Variants in VNN2 observed in about 807,000 individuals in gnomAD.
VNN2 encodes vanin 2.
In VNN2, 43 loss-of-function variants were observed where a neutral mutation model predicts 43.0. That is an observed-to-expected ratio of 1.00 (90% CI 0.78 to 1.29). VNN2 has a LOEUF of 1.29. VNN2 is among the 50% of genes most tolerant of loss of function. The pLI is 0.00. For synonymous variants in VNN2, 230 were observed against 224.3 expected (o/e 1.03, Z -0.23); for missense variants, 652 against 619.7 (o/e 1.05, Z -0.55).
At chr6:132,756,438 C>T (rs1780483294) in intron 2 of VNN2, among the ~76,000 whole-genome samples, 1 of 152,206 alleles carries the variant, frequency 6.6e-6, no homozygotes, top group Admixed American at 6.5e-5. Flanking sequence ...GTCCCTCTTG[C>T]TGTTGCCAGT....
chr6:132,749,171 A>T (rs1420036885), intron 6 of VNN2, among the ~76,000 whole-genome samples: 2 of 152,286 alleles, frequency 1.3e-5, no homozygotes, highest in East Asian at 3.9e-4. Flanking sequence ...GTGTGATTTT[A>T]TAGCTCTTCC....
intron 3 of VNN2, among the ~76,000 whole-genome samples, chr6:132,755,194 AG>A (rs1408983893): frequency 1.3e-5 from 2 of 152,012 alleles, no homozygotes; most frequent in Non-Finnish European, 2.9e-5. Flanking sequence ...TTATTGAAAC[AG>A]TGCCCAGATT....
intron 6 of VNN2, among the ~76,000 whole-genome samples, chr6:132,746,956 C>T (rs1418096747): frequency 1.3e-5 from 2 of 152,188 alleles, no homozygotes; most frequent in Non-Finnish European, 2.9e-5. Flanking sequence ...ATGATGCTCC[C>T]TCCAAGGGAC....
intron 3 of VNN2, among the ~76,000 whole-genome samples, chr6:132,754,136 G>C (rs1006963171): frequency 6.6e-6 from 1 of 152,236 alleles, no homozygotes; most frequent in East Asian, 1.9e-4. Context: ...TCAGTGCACT[G>C]TGCCATCCTG....
At chr6:132,762,564 G>A (rs79862317), upstream of VNN2, among the ~76,000 whole-genome samples, 619 of 152,290 alleles carry the variant, frequency 4.1e-3, 6 homozygotes, top group African/African-American at 0.014. Context: ...GTCAGGCCCT[G>A]TAAAAGGCAA....
chr6:132,751,794 T>C (rs1218323426), intron 4 of VNN2, among the ~76,000 whole-genome samples: 1 of 152,224 alleles, frequency 6.6e-6, no homozygotes, highest in Non-Finnish European at 1.5e-5. Flanking sequence ...CAAAAATCTT[T>C]GTAGTCAGGA....
At chr6:132,753,834 T>C (rs1346949846) in intron 3 of VNN2, 1 of 159,422 alleles carries the variant, frequency 6.3e-6, no homozygotes, top group Admixed American at 6.4e-5. Flanking sequence ...GCACCTGTAA[T>C]CCCAGCTACT....
chr6:132,758,042 T>A (rs9389031), upstream of VNN2: 15,867 of 160,426 alleles, frequency 0.099, 1,359 homozygotes, highest in East Asian at 0.15. Context: ...TCTTCTTCTT[T>A]TTTTTTTTTT....
At chr6:132,759,564 A>AT (rs962788878), upstream of VNN2, among the ~76,000 whole-genome samples, 2 of 150,118 alleles carry the variant, frequency 1.3e-5, no homozygotes, top group Non-Finnish European at 3.0e-5. Flanking sequence ...GATTTGTTTT[A>AT]TTTTTATCCA....
intron 3 of VNN2, 29 bp downstream of exon 3, chr6:132,755,814 C>G: frequency 6.3e-7 from 1 of 1,581,592 alleles, no homozygotes; most frequent in African/African-American, 1.3e-5. Flanking sequence ...CAACACGCTC[C>G]ATTTTACACG....
At chr6:132,754,820 T>C (rs901499450) in intron 3 of VNN2, among the ~76,000 whole-genome samples, 1 of 152,250 alleles carries the variant, frequency 6.6e-6, no homozygotes, top group Non-Finnish European at 1.5e-5. Context: ...GCAAATTAAC[T>C]TATGCAAAGC....
intron 5 of VNN2, among the ~76,000 whole-genome samples, chr6:132,750,515 T>TATATATATATATATATATATATATATATA (rs1359427541): frequency 8.2e-5 from 8 of 97,250 alleles, no homozygotes; most frequent in African/African-American, 2.1e-4. Context: ...ATATATATAT[T>TATATATATATATATATATATATATATATA]TTTCCAGGTG....
chr6:132,751,584 C>T, intron 4 of VNN2, 66 bp from the exon 5 acceptor site: 2 of 1,534,768 alleles, frequency 1.3e-6, no homozygotes, highest in Non-Finnish European at 1.7e-6. Flanking sequence ...CTGCCAATTT[C>T]CCCATCAGAA....
chr6:132,754,163 C>G (rs965742131), intron 3 of VNN2, among the ~76,000 whole-genome samples: 6 of 152,020 alleles, frequency 3.9e-5, no homozygotes, highest in African/African-American at 1.2e-4. Context: ...TACAGAATGG[C>G]AGAATAGCTT....
At chr6:132,759,332 G>T (rs1007109580), upstream of VNN2, among the ~76,000 whole-genome samples, 10 of 151,162 alleles carry the variant, frequency 6.6e-5, no homozygotes, top group Non-Finnish European at 1.5e-4. Context: ...CCAGCTACTC[G>T]GGAGGCTGAG....
Position 132,755,984 on chromosome 6 carries a change from G to T in VNN2, c.396C>A (p.Asn132Lys). The T allele has an allele frequency of 6.2e-7, 1 of 1,614,132 alleles. No individual in the cohort carries two copies. The highest frequency in any genetic ancestry group is 1.3e-5 in the African/African-American group (1 of 75,056). The change falls in exon 3 of 7, where the codon AAC becomes AAA. Residue 132 changes from asparagine to lysine, a missense_variant. Transcript: ENST00000326499. Reference sequence around the variant, plus strand: ...CCAAATTTGCCAAGACATAGATAGAGTTGTCCTTGGCCAGGCAGCTGAGTC... The same window carrying T: ...CCAAATTTGCCAAGACATAGATAGATTTGTCCTTGGCCAGGCAGCTGAGTC... ...QARLSCLAKD[N>K]SIYVLANLGD...
chr6:132,758,039 C>CTTCTTCTTCTTCTTCTTCTTCTTCTTTT (rs1488070973), upstream of VNN2: 3 of 160,494 alleles, frequency 1.9e-5, no homozygotes, highest in African/African-American at 1.8e-4. Flanking sequence ...TCTTCTTCTT[C>CTTCTTCTTCTTCTTCTTCTTCTTCTTTT]TTTTTTTTTT....
chr6:132,761,431 G>A (rs954385495), upstream of VNN2, among the ~76,000 whole-genome samples: 4 of 151,688 alleles, frequency 2.6e-5, no homozygotes, highest in South Asian at 2.1e-4. Context: ...AGGCCGAGGC[G>A]GGCGAATTAT....
chr6:132,751,000 GTGTGTGTGTGT>G (rs1383022090), intron 5 of VNN2, 134 bp downstream of exon 5: 7 of 954,500 alleles, frequency 7.3e-6, no homozygotes, highest in Admixed American at 2.5e-5. Context: ...ATGCACGTGT[GTGTGTGTGTGT>G]TGTGTGTGTG....
Sources: gnomAD v4.1 joint callset for allele counts (sites outside exome capture counted in the v4.1 genomes callset) on GRCh38, gnomAD v4.1.1 for gene constraint, MANE v1.5 for transcripts, NCBI Gene and HGNC (gene_info 2026-07-23, HGNC 2026-07-21) for gene names.